NAV2: variants seen among roughly 807,000 people sequenced by gnomAD.
The protein encoded by NAV2 is helicase, APC down-regulated 1.
Under a neutral mutation model 223.2 loss-of-function variants are expected in NAV2, and 54 were observed. The observed-to-expected ratio is 0.24, with a 90% CI of 0.19 to 0.30. The LOEUF (loss-of-function observed/expected upper bound fraction) is 0.30. NAV2 is among the 10% of genes least tolerant of loss of function. NAV2 has a pLI of 1.00. For synonymous variants in NAV2, 1,279 were observed against 1,239.3 expected, an observed-to-expected ratio of 1.03 and a Z score of -0.67; for missense variants, 2,806 against 3,147.5, an observed-to-expected ratio of 0.89 and a Z score of 2.60.
At chr11:19,953,574 C>T (rs2047572095) in intron 10 of NAV2, among the ~76,000 whole-genome samples, 1 of 152,246 alleles carries the variant, frequency 6.6e-6, no homozygotes, top group Non-Finnish European at 1.5e-5. Flanking sequence ...CTGTGATGTC[C>T]TCTGGGATTC....
intron 1 of NAV2, among the ~76,000 whole-genome samples, chr11:19,457,702 GA>G (rs776059728): frequency 3.9e-5 from 6 of 152,152 alleles, no homozygotes; most frequent in African/African-American, 7.2e-5. Context: ...ATCCCTGCAG[GA>G]GATGCCAGCC....
At chr11:19,523,544 A>G (rs556425630) in intron 1 of NAV2, among the ~76,000 whole-genome samples, 57 of 152,314 alleles carry the variant, frequency 3.7e-4, no homozygotes, top group Middle Eastern at 3.4e-3. Context: ...CTGGAGGCCC[A>G]GTTCTGCTTC....
intron 11 of NAV2, among the ~76,000 whole-genome samples, chr11:20,034,351 G>GTTTTTTTTTGTTTT (rs2056115042): frequency 7.6e-6 from 1 of 130,812 alleles, no homozygotes; most frequent in African/African-American, 2.7e-5. Flanking sequence ...CGATCAGCAA[G>GTTTTTTTTTGTTTT]TTTTTTTTTT....
In NAV2 at chr11:19,944,427, T is replaced by C. The variant is rs77525767; in HGVS notation, c.2147-1974T>C. Among the ~76,000 whole-genome samples, 406 of 152,118 alleles carry C rather than the reference T, an allele frequency of 2.7e-3. 1 individual carries two copies. The highest frequency in any genetic ancestry group is 4.5e-3 in the Non-Finnish European group (304 of 67,960). On this transcript the variant is annotated intron_variant, in intron 8 of 37. Coordinates refer to ENST00000349880, the MANE Select transcript of NAV2 (RefSeq NM_145117.5). ...TTTTCTTTCCTTTTCTTTTCTTCTC[T>C]TTTCTTTTGCTTTCCTTTCCTTTTC...
intron 5 of NAV2, among the ~76,000 whole-genome samples, chr11:19,882,440 A>G (rs2063271867): frequency 6.6e-6 from 1 of 152,230 alleles, no homozygotes; most frequent in Non-Finnish European, 1.5e-5. Context: ...GCAGGTATGC[A>G]TTATGAATGT....
chr11:19,934,886 G>A (rs574247718), intron 7 of NAV2, among the ~76,000 whole-genome samples: 12 of 152,064 alleles, frequency 7.9e-5, no homozygotes, highest in Non-Finnish European at 1.5e-4. Context: ...TGTGGAGATG[G>A]ATGGATCCTT....
At chr11:19,896,837 A>G (rs1423599100) in intron 6 of NAV2, among the ~76,000 whole-genome samples, 1 of 152,240 alleles carries the variant, frequency 6.6e-6, no homozygotes, top group Non-Finnish European at 1.5e-5. Context: ...TTCCTCAGGG[A>G]TCTAGAACTA....
intron 1 of NAV2, among the ~76,000 whole-genome samples, chr11:19,691,485 A>C (rs1363002496): frequency 2.0e-5 from 3 of 152,198 alleles, no homozygotes; most frequent in Admixed American, 2.0e-4. Context: ...TGTGGCTTCT[A>C]ACTGCAGTGT....
At chr11:19,940,666 A>G (rs2046331727) in intron 8 of NAV2, among the ~76,000 whole-genome samples, 1 of 152,222 alleles carries the variant, frequency 6.6e-6, no homozygotes, top group South Asian at 2.1e-4. Context: ...CAGCATTTTA[A>G]TAGCCACATT....
chr11:19,880,652 G>C (rs768158555), intron 5 of NAV2, among the ~76,000 whole-genome samples: 1 of 152,190 alleles, frequency 6.6e-6, no homozygotes, highest in Non-Finnish European at 1.5e-5. Flanking sequence ...AAATGTGACT[G>C]TGTTGTGTTG....
chr11:19,359,079 A>T lies in NAV2; in HGVS notation c.75+8052A>T, dbSNP rs563335827. ...GTTGAATGAATGAGTGACAGTTGAC[A>T]TTCCAAATGAGAGGGTAAAAGGGAG... On this transcript the variant is annotated intron_variant, in intron 1 of 37. Transcript: ENST00000360655. 4.6e-5 allele frequency among the ~76,000 whole-genome samples: 7 copies of T among 152,360 alleles called. No individual in the cohort carries two copies. In the South Asian group the frequency reaches 1.5e-3, roughly 32 times the overall value.
At chr11:19,892,986 AAAT>A (rs2041641321) in intron 6 of NAV2, among the ~76,000 whole-genome samples, 1 of 152,116 alleles carries the variant, frequency 6.6e-6, no homozygotes, top group South Asian at 2.1e-4. Context: ...TATCCGTCAG[AAAT>A]AATGTGAGGG....
intron 6 of NAV2, among the ~76,000 whole-genome samples, chr11:19,927,909 AC>A (rs1302566177): frequency 6.6e-6 from 1 of 152,202 alleles, no homozygotes; most frequent in Non-Finnish European, 1.5e-5. Flanking sequence ...TGTCACAGCT[AC>A]TATTTTAAAA....
intron 10 of NAV2, among the ~76,000 whole-genome samples, chr11:19,973,920 G>A (rs1224137210): frequency 6.6e-6 from 1 of 152,192 alleles, no homozygotes; most frequent in Non-Finnish European, 1.5e-5. Context: ...CTGTCCTGAG[G>A]CCGGTAGGCA....
chr11:19,972,312 C>T (rs748950472), intron 10 of NAV2, among the ~76,000 whole-genome samples: 4 of 152,164 alleles, frequency 2.6e-5, no homozygotes, highest in African/African-American at 4.8e-5. Flanking sequence ...GACGAGTGAC[C>T]AGGGCCAGCA....
chr11:20,094,293 G>A (rs538932770), intron 29 of NAV2, among the ~76,000 whole-genome samples: 6 of 134,202 alleles, frequency 4.5e-5, no homozygotes, highest in Admixed American at 8.5e-5. Context: ...GCAGTGGTGC[G>A]ATCTTGGCTC....
chr11:19,487,972 G>A (rs1381262469), intron 1 of NAV2, among the ~76,000 whole-genome samples: 1 of 152,208 alleles, frequency 6.6e-6, no homozygotes, highest in Admixed American at 6.5e-5. Flanking sequence ...TCAAGAGATA[G>A]CTAATGCATG....
chr11:19,867,227 ATTG>A (rs1299639899), intron 3 of NAV2, among the ~76,000 whole-genome samples: 1 of 152,172 alleles, frequency 6.6e-6, no homozygotes, highest in Non-Finnish European at 1.5e-5. Flanking sequence ...CCCAGCCAGT[ATTG>A]TGTTTACTTT....
At chr11:19,995,981 T>A (rs1391733463) in intron 11 of NAV2, among the ~76,000 whole-genome samples, 1 of 152,176 alleles carries the variant, frequency 6.6e-6, no homozygotes, top group Non-Finnish European at 1.5e-5. Flanking sequence ...GACTCTCCTA[T>A]GCTGTGATTT....
Sources: gnomAD v4.1 joint callset for allele counts (sites outside exome capture counted in the v4.1 genomes callset) on GRCh38, gnomAD v4.1.1 for gene constraint, MANE v1.5 for transcripts, NCBI Gene and HGNC (gene_info 2026-07-23, HGNC 2026-07-21) for gene names.